HYAL4: variants seen among roughly 807,000 people sequenced by gnomAD.
HYAL4 encodes the protein hyaluronidase-4.
A neutral mutation model predicts 35.2 loss-of-function variants in HYAL4; 37 were observed. That is an observed-to-expected ratio of 1.05 (90% CI 0.81 to 1.38). HYAL4 has a LOEUF of 1.38. Among genes scored for constraint, HYAL4 ranks in the 40% most tolerant of loss-of-function variants. The pLI is 0.00. For synonymous variants in HYAL4, 198 were observed against 203.2 expected, an observed-to-expected ratio of 0.97 and a Z score of 0.22; for missense variants, 572 against 572.4, an observed-to-expected ratio of 1.00 and a Z score of 0.01.
At position 123,877,092 on chromosome 7, in the gene HYAL4, T is replaced by C; in HGVS notation, c.1383T>C (p.Ser461=). 6.2e-7 allele frequency: 1 copy of C among 1,614,186 alleles called. No individual in the cohort carries two copies. The highest frequency in any genetic ancestry group is 2.2e-5 in the East Asian group (1 of 44,882). The part of the protein sequence containing the change: ...TADGCSGVSP[S]PGSLMTLCLL... Reference sequence around the variant, plus strand: ...ATGGCTGCTCTGGGGTTTCCCCTTCTCCTGGTTCACTAATGACACTTTGTC... The same window carrying C: ...ATGGCTGCTCTGGGGTTTCCCCTTCCCCTGGTTCACTAATGACACTTTGTC... The change falls in exon 5 of 5, where the codon TCT becomes TCC. Residue 461 remains serine, a synonymous_variant. Transcript: ENST00000223026.
the HYAL4 span, among the ~76,000 whole-genome samples, chr7:123,764,223 CT>C: frequency 6.6e-6 from 1 of 152,198 alleles, no homozygotes; most frequent in African/African-American, 2.4e-5. Context: ...AATCCTCCCA[CT>C]TGAGCCTCCC....
At chr7:123,858,698 A>G in intron 2 of HYAL4, among the ~76,000 whole-genome samples, 1 of 152,220 alleles carries the variant, frequency 6.6e-6, no homozygotes, top group Admixed American at 6.5e-5. Flanking sequence ...TAGATATACA[A>G]CATGCCATTA....
In HYAL4 at chr7:123,869,026, C is replaced by T; in HGVS notation, c.753C>T (p.Leu251=). 1.2e-6 allele frequency: 2 copies of T among 1,614,176 alleles called. No individual in the cohort carries two copies. The highest frequency in any genetic ancestry group is 1.7e-6 in the Non-Finnish European group (2 of 1,180,014). Residue 251 remains leucine (L), a synonymous_variant, in exon 3 of 5, where the codon CTC becomes CTT. Coordinates refer to ENST00000223026, the MANE Select transcript of HYAL4 (RefSeq NM_012269.3). ...TGAGGAACAATGAGCTCTCTTGGCTCTGGAACAGCAGTGCTGCTTTATATC... is the reference window on the plus strand; with the variant it reads ...TGAGGAACAATGAGCTCTCTTGGCTTTGGAACAGCAGTGCTGCTTTATATC... ...EVLRNNELSW[L]WNSSAALYPS...
chr7:123,841,972 A>AT (rs1806079975), upstream of HYAL4, among the ~76,000 whole-genome samples: 1 of 150,998 alleles, frequency 6.6e-6, no homozygotes, highest in South Asian at 2.1e-4. Flanking sequence ...TTTTTGAAGG[A>AT]TTTTTTTGTG....
At chr7:123,829,844 T>A (rs546820394) in intron 1 of HYAL4, among the ~76,000 whole-genome samples, 10 of 152,242 alleles carry the variant, frequency 6.6e-5, no homozygotes, top group African/African-American at 1.7e-4. Context: ...AAAATTTTTT[T>A]AAAGACCCAA....
intron 1 of HYAL4, among the ~76,000 whole-genome samples, chr7:123,838,972 A>T (rs1298749459): frequency 2.7e-5 from 4 of 148,782 alleles, no homozygotes; most frequent in Non-Finnish European, 4.5e-5. Context: ...TATTTCTTGA[A>T]GTTTCAATAG....
chr7:123,768,922 C>CT, the HYAL4 span, among the ~76,000 whole-genome samples: 1 of 152,122 alleles, frequency 6.6e-6, no homozygotes, highest in Non-Finnish European at 1.5e-5. Flanking sequence ...TAATAATTTC[C>CT]TTTTTGTATG....
intron 2 of HYAL4, among the ~76,000 whole-genome samples, chr7:123,862,360 C>T (rs1806592532): frequency 6.6e-6 from 1 of 152,008 alleles, no homozygotes; most frequent in African/African-American, 2.4e-5. Context: ...AGACACTTGG[C>T]ATCTTAAAGG....
At position 123,869,103 on chromosome 7, in the gene HYAL4, T is replaced by C; in HGVS notation, c.830T>C (p.Phe277Ser). ...SLGDSENILR[F>S]SKFRVHESMR... ...GGAGACAGTGAAAACATTTTGCGCT[T>C]CTCCAAATTTCGGGTGCATGAATCC... The change falls in exon 3 of 5, where the codon TTC becomes TCC. Residue 277 changes from phenylalanine (F) to serine (S), a missense_variant. Phe to Ser is a radical substitution (Grantham distance 155, BLOSUM62 -2). Transcript: ENST00000223026. 1 of 1,614,184 alleles carries C rather than the reference T, an allele frequency of 6.2e-7. No homozygotes were observed. The highest frequency in any genetic ancestry group is 8.5e-7 in the Non-Finnish European group (1 of 1,180,030).
the HYAL4 span, among the ~76,000 whole-genome samples, chr7:123,778,280 T>C: frequency 6.6e-6 from 1 of 152,126 alleles, no homozygotes; most frequent in African/African-American, 2.4e-5. Flanking sequence ...TCAATGAGCA[T>C]TTCCTAAGTG....
chr7:123,806,865 A>G, the HYAL4 span, among the ~76,000 whole-genome samples: 1 of 152,130 alleles, frequency 6.6e-6, no homozygotes, highest in Non-Finnish European at 1.5e-5. Flanking sequence ...AGCAGTGCTC[A>G]AGGCTTCAGG....
chr7:123,848,756 A>T (rs12666555), intron 2 of HYAL4, among the ~76,000 whole-genome samples: 17,975 of 152,234 alleles, frequency 0.12, 1,250 homozygotes, highest in Admixed American at 0.18. Flanking sequence ...TTTTATAGTT[A>T]TACTTACCAT....
chr7:123,826,408 G>C (rs1264904693), upstream of HYAL4, among the ~76,000 whole-genome samples: 1 of 152,156 alleles, frequency 6.6e-6, no homozygotes, highest in Non-Finnish European at 1.5e-5. Flanking sequence ...CTGTATAGCT[G>C]AATGGGAGTC....
At chr7:123,871,364 G>A (rs1806879422) in intron 3 of HYAL4, among the ~76,000 whole-genome samples, 1 of 151,984 alleles carries the variant, frequency 6.6e-6, no homozygotes, top group Non-Finnish European at 1.5e-5. Context: ...GCTAATTTTT[G>A]TGTTTTTAGT....
the HYAL4 span, among the ~76,000 whole-genome samples, chr7:123,820,009 G>T: frequency 6.6e-6 from 1 of 151,084 alleles, no homozygotes; most frequent in South Asian, 2.1e-4. Flanking sequence ...TCGTGACTCA[G>T]CCTCCTGACT....
chr7:123,841,413 C>T (rs1206059775), upstream of HYAL4, among the ~76,000 whole-genome samples: 1 of 151,966 alleles, frequency 6.6e-6, no homozygotes, highest in Non-Finnish European at 1.5e-5. Context: ...AGGATTTTTG[C>T]ATCAATTTTC....
At chr7:123,865,245 T>C (rs1200071746) in intron 2 of HYAL4, among the ~76,000 whole-genome samples, 9 of 152,180 alleles carry the variant, frequency 5.9e-5, no homozygotes, top group Admixed American at 5.9e-4. Flanking sequence ...TTTTCTTTTT[T>C]TGGTACACAA....
upstream of HYAL4, among the ~76,000 whole-genome samples, chr7:123,842,334 T>C (rs778856179): frequency 2.6e-5 from 4 of 152,108 alleles, no homozygotes; most frequent in Non-Finnish European, 5.9e-5. Flanking sequence ...TCCTGAGTTC[T>C]AATTTGATTG....
the HYAL4 span, among the ~76,000 whole-genome samples, chr7:123,798,132 G>T: frequency 6.6e-6 from 1 of 152,154 alleles, no homozygotes; most frequent in African/African-American, 2.4e-5. Context: ...TGTTATTCAA[G>T]ACTCTGTAAT....
Sources: gnomAD v4.1 joint callset for allele counts (sites outside exome capture counted in the v4.1 genomes callset) on GRCh38, gnomAD v4.1.1 for gene constraint, MANE v1.5 for transcripts, NCBI Gene and HGNC (gene_info 2026-07-23, HGNC 2026-07-21) for gene names.